CSMD3: variants seen among roughly 807,000 people sequenced by gnomAD.
CSMD3 encodes the protein CUB and Sushi multiple domains 3, also known as CUB and sushi domain-containing protein 3.
A neutral mutation model predicts 435.2 loss-of-function variants in CSMD3; 177 were observed. The observed-to-expected ratio is 0.41, with a 90% CI of 0.36 to 0.46. The LOEUF (loss-of-function observed/expected upper bound fraction) is 0.46, where lower values mean the gene tolerates loss of function less well. Among genes scored for constraint, CSMD3 ranks in the 20% least tolerant of loss-of-function variants. CSMD3 has a pLI of 0.34. For missense variants in CSMD3, 4,265 were observed against 4,504.6 expected (o/e 0.95, Z 1.52); for synonymous variants, 1,656 against 1,520.5 (o/e 1.09, Z -2.07).
At chr8:112,907,122 T>C (rs1002434772) in intron 10 of CSMD3, among the ~76,000 whole-genome samples, 12 of 151,648 alleles carry the variant, frequency 7.9e-5, no homozygotes, top group Admixed American at 7.3e-4. Context: ...AGGGAAAAGT[T>C]AATTCAGGAA....
chr8:112,921,853 A>G (rs2130634684), intron 9 of CSMD3, 102 bp from the exon 10 acceptor site: 3 of 846,412 alleles, frequency 3.5e-6, no homozygotes, highest in Non-Finnish European at 5.9e-6. Flanking sequence ...TATGTACTAT[A>G]GTGACAAAAA....
chr8:112,487,857 T>G (rs1408058758), intron 31 of CSMD3, among the ~76,000 whole-genome samples: 1 of 152,186 alleles, frequency 6.6e-6, no homozygotes, highest in Non-Finnish European at 1.5e-5. Flanking sequence ...AGATTATGGA[T>G]AAGAATGATA....
chr8:113,014,843 G>A (rs959597727), intron 6 of CSMD3, among the ~76,000 whole-genome samples: 1 of 152,022 alleles, frequency 6.6e-6, no homozygotes, highest in African/African-American at 2.4e-5. Flanking sequence ...TGTGTGTTGA[G>A]TATCTAAATA....
intron 2 of CSMD3, among the ~76,000 whole-genome samples, chr8:113,284,680 T>C (rs2093633808): frequency 6.6e-6 from 1 of 152,168 alleles, no homozygotes; most frequent in South Asian, 2.1e-4. Context: ...ACTTAACATG[T>C]TTTCTAGGTA....
chr8:112,454,597 C>T (rs187717337), intron 32 of CSMD3, among the ~76,000 whole-genome samples: 25 of 152,112 alleles, frequency 1.6e-4, no homozygotes, highest in African/African-American at 5.1e-4. Context: ...TAACAGATAT[C>T]GATGAGGCTG....
At chr8:112,367,015 T>C (rs55884369) in intron 38 of CSMD3, among the ~76,000 whole-genome samples, 4,968 of 152,226 alleles carry the variant, frequency 0.033, 273 homozygotes, top group African/African-American at 0.11. Flanking sequence ...TCTAAACCTT[T>C]TGTAGTCCCT....
At chr8:112,535,599 A>C in intron 27 of CSMD3, among the ~76,000 whole-genome samples, 1 of 152,054 alleles carries the variant, frequency 6.6e-6, no homozygotes, top group East Asian at 1.9e-4. Flanking sequence ...ATAGTGCCCA[A>C]GGTAATTTAT....
chr8:113,388,652 G>A (rs1275352817), intron 1 of CSMD3, among the ~76,000 whole-genome samples: 2 of 151,444 alleles, frequency 1.3e-5, no homozygotes, highest in East Asian at 1.9e-4. Context: ...AGACCACCAA[G>A]CTAAAAAATT....
chr8:112,565,970 C>A (rs1187808135), intron 24 of CSMD3, among the ~76,000 whole-genome samples: 2 of 150,282 alleles, frequency 1.3e-5, no homozygotes, highest in African/African-American at 2.4e-5. Context: ...AAAAAAAATT[C>A]AGATTCTCAA....
intron 2 of CSMD3, among the ~76,000 whole-genome samples, chr8:113,302,031 T>C (rs1256911563): frequency 6.6e-6 from 1 of 151,244 alleles, no homozygotes; most frequent in African/African-American, 2.4e-5. Context: ...TTATCTGATT[T>C]TATGGTTGCC....
chr8:112,550,497 A>T (rs781626338), intron 27 of CSMD3, among the ~76,000 whole-genome samples, 174 bp downstream of exon 27: 10 of 152,010 alleles, frequency 6.6e-5, no homozygotes, highest in African/African-American at 2.4e-4. Flanking sequence ...AGTTAGTTGT[A>T]TTACCTTTTT....
At chr8:113,138,873 A>ATG (rs1442691358) in intron 4 of CSMD3, among the ~76,000 whole-genome samples, 4 of 150,746 alleles carry the variant, frequency 2.7e-5, no homozygotes, top group African/African-American at 9.7e-5. Flanking sequence ...ATCTGAATAT[A>ATG]TGTATATATA....
At chr8:113,294,717 C>T (rs1428745663) in intron 2 of CSMD3, among the ~76,000 whole-genome samples, 3 of 151,832 alleles carry the variant, frequency 2.0e-5, no homozygotes, top group African/African-American at 7.3e-5. Flanking sequence ...CTATAGTAGC[C>T]CATATTGACT....
chr8:112,315,309 A>G (rs975991185), intron 47 of CSMD3, among the ~76,000 whole-genome samples: 3 of 151,964 alleles, frequency 2.0e-5, no homozygotes, highest in African/African-American at 7.2e-5. Context: ...GACAAAAAAC[A>G]TAATTATGGT....
At chr8:113,432,027 T>C (rs1488023887) in intron 1 of CSMD3, among the ~76,000 whole-genome samples, 1 of 152,186 alleles carries the variant, frequency 6.6e-6, no homozygotes, top group Non-Finnish European at 1.5e-5. Flanking sequence ...AATTCTACTC[T>C]TTTTCTCCTT....
intron 1 of CSMD3, among the ~76,000 whole-genome samples, chr8:113,361,074 C>T (rs1473949129): frequency 6.6e-6 from 1 of 152,124 alleles, no homozygotes; most frequent in Non-Finnish European, 1.5e-5. Flanking sequence ...TAGATGGCAT[C>T]TTTAAGTAAA....
intron 5 of CSMD3, among the ~76,000 whole-genome samples, chr8:113,067,865 A>T (rs546367713): frequency 6.6e-6 from 1 of 152,242 alleles, no homozygotes; most frequent in African/African-American, 2.4e-5. Flanking sequence ...AAATGGTCTG[A>T]GCAACTCTCC....
rs1563765094 is a variant in CSMD3 at position 113,380,526 on chromosome 8, C to T, written c.178+56151G>A. Among the ~76,000 whole-genome samples the T allele has an allele frequency of 2.6e-5, 4 of 152,150 alleles. No individual in the cohort carries two copies. The South Asian group carries it at 8.3e-4, about 32-fold the overall frequency. ...TTATTGAAATGGATCTGAATATAGA[C>T]TAATGTTTCCACAACTTGCAGATAA... is the stretch of plus-strand genomic sequence containing the variant. On this transcript the variant is annotated intron_variant, in intron 1 of 70. Coordinates refer to ENST00000297405, the MANE Select transcript of CSMD3 (RefSeq NM_198123.2).
At chr8:113,184,705 G>A (rs1308525764) in intron 3 of CSMD3, among the ~76,000 whole-genome samples, 4 of 152,096 alleles carry the variant, frequency 2.6e-5, no homozygotes, top group African/African-American at 7.2e-5. Flanking sequence ...CTGCTAGACT[G>A]AGGCCACTCA....
Sources: allele counts gnomAD v4.1 joint callset (sites outside exome capture counted in the v4.1 genomes callset), GRCh38; gene constraint gnomAD v4.1.1; transcripts MANE v1.5; gene names NCBI Gene and HGNC (gene_info 2026-07-23, HGNC 2026-07-21).